The following CDON variants were observed in gnomAD, a reference collection of about 807,000 sequenced individuals.
The protein encoded by CDON is cell adhesion associated, oncogene regulated, also known as cell adhesion molecule-related/down-regulated by oncogenes.
A neutral mutation model predicts 120.9 loss-of-function variants in CDON; 73 were observed. The ratio of observed to expected loss-of-function variants is 0.60; its 90% confidence interval spans 0.50 to 0.73. The LOEUF is 0.73. Ranked by LOEUF, CDON falls within the 30% of genes least tolerant of loss-of-function variation. The pLI is 0.00. For synonymous variants in CDON, 566 were observed against 573.5 expected (o/e 0.99, Z 0.19); for missense variants, 1,470 against 1,587.3 (o/e 0.93, Z 1.26).
chr11:126,025,509 A>G (rs1393810752), intron 1 of CDON, among the ~76,000 whole-genome samples: 2 of 148,540 alleles, frequency 1.3e-5, no homozygotes, highest in East Asian at 3.9e-4. Flanking sequence ...AATGGTAGTC[A>G]AGAGATGGTT....
At position 125,973,018 on chromosome 11, in the gene CDON, C is replaced by CTTTTTTTTTTTTTTTTTTTTT. The variant is rs35828939; in HGVS notation, c.3356+5265_3356+5285dup. ...TGGCCTCTTCAACCAATTACTTGGTCTTTTTTTTTTTTTTTTTTTTTTTTA... is the reference window on the plus strand; with the variant it reads ...TGGCCTCTTCAACCAATTACTTGGTCTTTTTTTTTTTTTTTTTTTTTTTTTTTTTTTTTTTTTTTTTTTTTA... On this transcript the variant is annotated intron_variant, in intron 18 of 19. Transcript: ENST00000531738. 2.2e-4 allele frequency among the ~76,000 whole-genome samples: 19 copies of CTTTTTTTTTTTTTTTTTTTTT among 87,036 alleles called. 2 individuals are homozygous for CTTTTTTTTTTTTTTTTTTTTT. Among genetic ancestry groups the CTTTTTTTTTTTTTTTTTTTTT allele is most frequent in the South Asian group, 1.1e-3 (2 of 1,862 alleles). 57.1% of individuals were successfully genotyped at this position (87,036 alleles called of 152,430 possible). A position where few individuals can be genotyped will look rare whatever the true frequency, so the allele number is the denominator to read the frequency against.
chr11:126,053,667 G>A (rs1948620836), intron 1 of CDON, among the ~76,000 whole-genome samples: 1 of 151,986 alleles, frequency 6.6e-6, no homozygotes, highest in Non-Finnish European at 1.5e-5. Flanking sequence ...TACATTGCAA[G>A]CTATGTAATG....
chr11:126,054,869 C>T lies in CDON; in HGVS notation c.-62+7710G>A, dbSNP rs144713039. On this transcript the variant is annotated intron_variant, in intron 1 of 19. Coordinates refer to ENST00000531738, the MANE Select transcript of CDON (RefSeq NM_001378964.1). Reference sequence around the variant, plus strand: ...TTAAGGAATAAAGGGGAGACTGACACGTATGCAATTATGATACGTATCAGT... The same window carrying T: ...TTAAGGAATAAAGGGGAGACTGACATGTATGCAATTATGATACGTATCAGT... Among the ~76,000 whole-genome samples, 368 of 152,186 alleles carry T rather than the reference C, an allele frequency of 2.4e-3. 3 individuals are homozygous for T. The highest frequency in any genetic ancestry group is 0.01 in the Middle Eastern group (3 of 294).
intron 8 of CDON, 30 bp from the exon 9 acceptor site, chr11:126,006,087 A>C (rs1947121310): frequency 6.2e-7 from 1 of 1,600,458 alleles, no homozygotes; most frequent in African/African-American, 1.3e-5. Context: ...AGACAGCTTG[A>C]AGATACTCCT....
intron 1 of CDON, among the ~76,000 whole-genome samples, chr11:126,042,083 C>T (rs1948277707): frequency 6.6e-6 from 1 of 152,138 alleles, no homozygotes; most frequent in Admixed American, 6.5e-5. Context: ...GGTGTTTCTC[C>T]ATGTTGGTCA....
At chr11:125,997,659 GT>G (rs1487864534) in intron 11 of CDON, among the ~76,000 whole-genome samples, 1 of 152,124 alleles carries the variant, frequency 6.6e-6, no homozygotes, top group Non-Finnish European at 1.5e-5. Flanking sequence ...AAGCTAACAA[GT>G]ATGATCATTT....
At position 126,046,831 on chromosome 11, in the gene CDON, C is replaced by G. The variant is rs564343302; in HGVS notation, c.-62+15748G>C. Among the ~76,000 whole-genome samples, 24 of 152,314 alleles carry G rather than the reference C, an allele frequency of 1.6e-4. 1 individual carries two copies. Among genetic ancestry groups the G allele is most frequent in the South Asian group, 4.1e-4 (2 of 4,826 alleles). On this transcript the variant is annotated intron_variant, in intron 1 of 19. Coordinates refer to ENST00000531738, the MANE Select transcript of CDON (RefSeq NM_001378964.1). ...CTGCTCTGGTGACCCCACTTCTACT[C>G]TATTTCTTTCTGTGAGGCACCTTGA...
rs150178221 is a variant in CDON at position 126,062,418 on chromosome 11, G to A, written c.-62+161C>T. 1.4e-3 allele frequency among the ~76,000 whole-genome samples: 217 copies of A among 152,064 alleles called. 5 individuals are homozygous for A. The highest frequency in any genetic ancestry group is 5.1e-3 in the African/African-American group (212 of 41,518). On this transcript the variant is annotated intron_variant, in intron 1 of 19. Transcript: ENST00000531738. ...GGGGCTCCCCGCCGGGCAAGCATCA[G>A]CATCCAGACCCCGCACGCAGCCCTG... is the stretch of plus-strand genomic sequence containing the variant.
intron 18 of CDON, among the ~76,000 whole-genome samples, chr11:125,965,696 A>G (rs980015571): frequency 1.2e-4 from 19 of 152,240 alleles, no homozygotes; most frequent in African/African-American, 4.1e-4. Flanking sequence ...AAAGACTGCA[A>G]CTCAAGAGCA....
At chr11:125,969,017 C>T (rs603564) in intron 18 of CDON, among the ~76,000 whole-genome samples, 2 of 151,910 alleles carry the variant, frequency 1.3e-5, no homozygotes, top group Non-Finnish European at 2.9e-5. Flanking sequence ...ATTATCATTG[C>T]GATGAAGTTT....
In CDON at chr11:126,061,808, C is replaced by G. The variant is rs377013296; in HGVS notation, c.-62+771G>C. Among the ~76,000 whole-genome samples, 4 of 152,302 alleles carry G rather than the reference C, an allele frequency of 2.6e-5. No homozygotes were observed. In the East Asian group the frequency reaches 5.8e-4, roughly 22 times the overall value. On this transcript the variant is annotated intron_variant, in intron 1 of 19. Coordinates refer to ENST00000531738, the MANE Select transcript of CDON (RefSeq NM_001378964.1). Reference sequence around the variant, plus strand: ...AAGCAGTCTGCCCTTAAAGCACCTGCCACCCTCTGTCGTCCTGATGAGGAA... The same window carrying G: ...AAGCAGTCTGCCCTTAAAGCACCTGGCACCCTCTGTCGTCCTGATGAGGAA...
chr11:125,995,924 A>G (rs1219152059), intron 12 of CDON, among the ~76,000 whole-genome samples: 1 of 152,218 alleles, frequency 6.6e-6, no homozygotes, highest in Admixed American at 6.5e-5. Flanking sequence ...AAGTACAGAA[A>G]GTTTATTTAT....
intron 1 of CDON, among the ~76,000 whole-genome samples, chr11:126,053,230 G>A (rs975361578): frequency 6.6e-6 from 1 of 152,180 alleles, no homozygotes; most frequent in Non-Finnish European, 1.5e-5. Flanking sequence ...ACAGTAAGAT[G>A]CACCCAGGAG....
At chr11:126,024,929 G>A (rs1947751076) in intron 1 of CDON, among the ~76,000 whole-genome samples, 1 of 152,182 alleles carries the variant, frequency 6.6e-6, no homozygotes, top group South Asian at 2.1e-4. Context: ...TCTAGGCTGG[G>A]CACGGTGGCT....
rs114489807 is a variant in CDON, at chr11:125,982,638, C to T, written c.2995+1234G>A. Among the ~76,000 whole-genome samples, 1,100 of 152,218 alleles carry T rather than the reference C, an allele frequency of 7.2e-3. 12 individuals are homozygous for T. Among genetic ancestry groups the T allele is most frequent in the African/African-American group, 0.024 (982 of 41,544 alleles). On this transcript the variant is annotated intron_variant, in intron 16 of 19. Transcript: ENST00000531738. ...AGAACAGTGCCTGGTATACAGAAGACGATGATTATCTTTTGAATAAATGAC... is the reference window on the plus strand; with the variant it reads ...AGAACAGTGCCTGGTATACAGAAGATGATGATTATCTTTTGAATAAATGAC...
intron 1 of CDON, among the ~76,000 whole-genome samples, chr11:126,032,278 G>C (rs1452550712): frequency 6.6e-6 from 1 of 152,062 alleles, no homozygotes; most frequent in Non-Finnish European, 1.5e-5. Context: ...GGTGAAATCA[G>C]AGGGATACGT....
chr11:125,977,752 G>T (rs1191744616), intron 18 of CDON, among the ~76,000 whole-genome samples: 2 of 152,076 alleles, frequency 1.3e-5, no homozygotes, highest in South Asian at 4.1e-4. Flanking sequence ...TTGAAATATT[G>T]TGAGTACATA....
intron 18 of CDON, among the ~76,000 whole-genome samples, chr11:125,962,780 T>C (rs965554830): frequency 3.7e-4 from 56 of 152,232 alleles, no homozygotes; most frequent in African/African-American, 1.4e-3. Context: ...TCTTTAGCTC[T>C]GGAATTTCCA....
chr11:126,016,262 T>G (rs1947465371), intron 6 of CDON, among the ~76,000 whole-genome samples: 1 of 152,208 alleles, frequency 6.6e-6, no homozygotes, highest in Non-Finnish European at 1.5e-5. Flanking sequence ...GAAAACATTT[T>G]CTGCAGCTAC....
Sources: gnomAD v4.1 joint callset for allele counts (sites outside exome capture counted in the v4.1 genomes callset) on GRCh38, gnomAD v4.1.1 for gene constraint, MANE v1.5 for transcripts, NCBI Gene and HGNC (gene_info 2026-07-23, HGNC 2026-07-21) for gene names.